Variants in CFAP299 observed in about 807,000 individuals in gnomAD.
The protein encoded by CFAP299 is cilia and flagella associated protein 299.
In CFAP299, 21 loss-of-function variants were observed where a neutral mutation model predicts 27.0. The ratio of observed to expected loss-of-function variants is 0.78; its 90% CI spans 0.55 to 1.12. CFAP299 has a LOEUF of 1.12. CFAP299 is among the 50% of genes most tolerant of loss of function. The pLI, the probability that CFAP299 is intolerant of heterozygous loss-of-function variation, is 0.00. For missense variants in CFAP299, 310 were observed against 276.6 expected (o/e 1.12, Z -0.86); for synonymous variants, 104 against 98.1 (o/e 1.06, Z -0.36).
chr4:80,481,678 A>G (rs1730579443), intron 2 of CFAP299, among the ~76,000 whole-genome samples: 1 of 152,070 alleles, frequency 6.6e-6, no homozygotes, highest in Non-Finnish European at 1.5e-5. Flanking sequence ...GAGGGCTAAA[A>G]TTGACTAGTT....
At chr4:80,908,933 C>G (rs1008864309) in intron 4 of CFAP299, among the ~76,000 whole-genome samples, 3 of 151,992 alleles carry the variant, frequency 2.0e-5, no homozygotes, top group Admixed American at 6.6e-5. Flanking sequence ...CACACACATT[C>G]TACCTTAGTT....
At chr4:80,880,118 G>A (rs1391910537) in intron 4 of CFAP299, among the ~76,000 whole-genome samples, 1 of 151,902 alleles carries the variant, frequency 6.6e-6, no homozygotes, top group South Asian at 2.1e-4. Context: ...AAAGAAAGGA[G>A]AAACAGGAGG....
At chr4:80,375,848 A>C (rs1329953766) in intron 2 of CFAP299, among the ~76,000 whole-genome samples, 1 of 152,196 alleles carries the variant, frequency 6.6e-6, no homozygotes, top group African/African-American at 2.4e-5. Flanking sequence ...TCATGAGCTC[A>C]ATTGCTGAGG....
At chr4:80,618,324 T>A (rs972619229) in intron 3 of CFAP299, among the ~76,000 whole-genome samples, 5 of 152,100 alleles carry the variant, frequency 3.3e-5, no homozygotes, top group Non-Finnish European at 5.9e-5. Context: ...TGTGTAAAAA[T>A]TTTCTCTCAT....
intron 3 of CFAP299, among the ~76,000 whole-genome samples, chr4:80,772,904 G>T (rs1726303797): frequency 6.6e-6 from 1 of 152,158 alleles, no homozygotes; most frequent in African/African-American, 2.4e-5. Context: ...AAAGACACAT[G>T]CACACATATG....
chr4:80,849,227 A>T (rs1199068747), intron 3 of CFAP299, among the ~76,000 whole-genome samples: 2 of 152,104 alleles, frequency 1.3e-5, no homozygotes, highest in Non-Finnish European at 2.9e-5. Flanking sequence ...AAACTAACAC[A>T]AAACTAGCCT....
rs563258869 is a variant in CFAP299 at position 80,818,231 on chromosome 4, G to T, written c.334-51762G>T. On this transcript the variant is annotated intron_variant, in intron 3 of 5. Transcript: ENST00000358105. ...TATTCCGTGGTGTATAGATTCCACA[G>T]GTTTTTATCCAGTCTATAGCTGATG... Among the ~76,000 whole-genome samples, 3 of 152,224 alleles carry T rather than the reference G, an allele frequency of 2.0e-5. No individual in the cohort carries two copies. In the South Asian group the frequency reaches 6.2e-4, roughly 32 times the overall value.
chr4:80,729,030 G>A (rs1334812950), intron 3 of CFAP299, among the ~76,000 whole-genome samples: 4 of 152,120 alleles, frequency 2.6e-5, no homozygotes, highest in Non-Finnish European at 4.4e-5. Flanking sequence ...CTGTGAAGTT[G>A]AGTTTACAAA....
intron 3 of CFAP299, among the ~76,000 whole-genome samples, chr4:80,752,415 TAC>T (rs199658708): frequency 6.8e-6 from 1 of 146,706 alleles, no homozygotes; most frequent in Non-Finnish European, 1.5e-5. Flanking sequence ...TATATATATA[TAC>T]ACATATATAT....
chr4:80,492,988 G>T (rs570548866), intron 2 of CFAP299, among the ~76,000 whole-genome samples: 2 of 152,202 alleles, frequency 1.3e-5, no homozygotes, highest in East Asian at 3.9e-4. Flanking sequence ...ACACAGTCAG[G>T]TGAGTTATCT....
At chr4:80,855,639 G>A (rs1005674806) in intron 3 of CFAP299, among the ~76,000 whole-genome samples, 1 of 151,962 alleles carries the variant, frequency 6.6e-6, no homozygotes, top group African/African-American at 2.4e-5. Context: ...TCCCATCTAT[G>A]AGTGAGAATA....
chr4:80,668,674 T>C (rs1356966437), intron 3 of CFAP299, among the ~76,000 whole-genome samples: 1 of 152,180 alleles, frequency 6.6e-6, no homozygotes, highest in Non-Finnish European at 1.5e-5. Context: ...CTGTTTTTAA[T>C]GCCAGTATTA....
chr4:80,661,102 G>A (rs559123623), intron 3 of CFAP299, among the ~76,000 whole-genome samples: 5 of 152,186 alleles, frequency 3.3e-5, no homozygotes, highest in African/African-American at 1.2e-4. Flanking sequence ...GAGGCAGGTG[G>A]ATCACCTGAG....
intron 4 of CFAP299, among the ~76,000 whole-genome samples, chr4:80,889,221 T>C (rs1734124847): frequency 6.6e-6 from 1 of 150,894 alleles, no homozygotes; most frequent in Non-Finnish European, 1.5e-5. Flanking sequence ...TTAACAAAAT[T>C]GACAAACCTT....
chr4:80,335,489 T>G (rs1053420681), upstream of CFAP299, among the ~76,000 whole-genome samples: 1 of 152,194 alleles, frequency 6.6e-6, no homozygotes, highest in Admixed American at 6.5e-5. Context: ...TGTCATACTT[T>G]TTAACTTTGG....
rs544051283 is a variant in CFAP299 at position 80,951,111 on chromosome 4, A to T, written c.606+6172A>T. 2.0e-5 allele frequency among the ~76,000 whole-genome samples: 3 copies of T among 152,286 alleles called. No individual in the cohort carries two copies. In the South Asian group the frequency reaches 6.2e-4, roughly 32 times the overall value. On this transcript the variant is annotated intron_variant, in intron 5 of 5. Coordinates refer to ENST00000358105, the MANE Select transcript of CFAP299 (RefSeq NM_152770.3). ...GAAAATCAATTATATTAAAAATATG[A>T]AAATTTATAGGGCAAGATCTCTTTT...
At chr4:80,351,185 T>A (rs976161087) in intron 1 of CFAP299, among the ~76,000 whole-genome samples, 3 of 152,106 alleles carry the variant, frequency 2.0e-5, no homozygotes, top group African/African-American at 7.2e-5. Flanking sequence ...GAAACTTGGA[T>A]CAAAATGAAA....
chr4:80,336,128 A>T (rs1722128766), intron 1 of CFAP299, among the ~76,000 whole-genome samples: 1 of 152,188 alleles, frequency 6.6e-6, no homozygotes, highest in Admixed American at 6.5e-5. Context: ...GCACACTCAC[A>T]CTGGGGAGCC....
At chr4:80,614,532 G>T (rs572667649) in intron 3 of CFAP299, among the ~76,000 whole-genome samples, 1 of 152,344 alleles carries the variant, frequency 6.6e-6, no homozygotes, top group African/African-American at 2.4e-5. Flanking sequence ...CAGGCACTCT[G>T]CGGGGGCAGC....
Sources: allele counts gnomAD v4.1 joint callset (sites outside exome capture counted in the v4.1 genomes callset), GRCh38; gene constraint gnomAD v4.1.1; transcripts MANE v1.5; gene names NCBI Gene and HGNC (gene_info 2026-07-23, HGNC 2026-07-21).